The following CRPPA variants were observed in gnomAD, a reference collection of about 807,000 sequenced individuals.
CRPPA encodes D-ribitol-5-phosphate cytidylyltransferase.
CRPPA carries 43 observed loss-of-function variants against 52.0 expected under a neutral mutation model. The ratio of observed to expected loss-of-function variants is 0.83; its 90% CI spans 0.65 to 1.07. The LOEUF (loss-of-function observed/expected upper bound fraction) is 1.07, where lower values mean the gene tolerates loss of function less well. Among genes scored for constraint, CRPPA ranks in the 50% least tolerant of loss-of-function variants. The pLI is 0.00. For synonymous variants in CRPPA, 250 were observed against 203.5 expected, an observed-to-expected ratio of 1.23 and a Z score of -1.94; for missense variants, 629 against 551.7, an observed-to-expected ratio of 1.14 and a Z score of -1.40.
chr7:16,333,734 T>C (rs1785612985), intron 3 of CRPPA, among the ~76,000 whole-genome samples: 1 of 152,196 alleles, frequency 6.6e-6, no homozygotes, highest in Non-Finnish European at 1.5e-5. Context: ...GATTAGAATT[T>C]CTTTAGCTTC....
chr7:16,164,735 GT>G (rs1781013190), intron 9 of CRPPA, among the ~76,000 whole-genome samples: 1 of 152,172 alleles, frequency 6.6e-6, no homozygotes, highest in African/African-American at 2.4e-5. Context: ...ATTGTTTTCT[GT>G]TTGTTAGTTT....
intron 8 of CRPPA, among the ~76,000 whole-genome samples, chr7:16,254,592 G>A (rs1378846387): frequency 6.6e-6 from 1 of 151,848 alleles, no homozygotes; most frequent in East Asian, 1.9e-4. Flanking sequence ...CTGTAGTGGG[G>A]TGAGGGGAGT....
chr7:16,224,060 A>C (rs1036947920), intron 8 of CRPPA, among the ~76,000 whole-genome samples: 1 of 152,150 alleles, frequency 6.6e-6, no homozygotes, highest in Non-Finnish European at 1.5e-5. Flanking sequence ...GAAAGGTAGC[A>C]CATTTACTCA....
chr7:16,382,543 T>C (rs1394799175), intron 2 of CRPPA, among the ~76,000 whole-genome samples: 1 of 152,080 alleles, frequency 6.6e-6, no homozygotes, highest in East Asian at 1.9e-4. Context: ...TGGCCTGCCT[T>C]GCTAGATTGG....
chr7:16,329,765 G>C (rs1209547663), intron 3 of CRPPA, among the ~76,000 whole-genome samples: 1 of 152,106 alleles, frequency 6.6e-6, no homozygotes, highest in African/African-American at 2.4e-5. Flanking sequence ...AGTAATCTTT[G>C]ATTAATTACA....
At chr7:16,377,486 G>A (rs1232338249) in intron 2 of CRPPA, among the ~76,000 whole-genome samples, 2 of 152,162 alleles carry the variant, frequency 1.3e-5, no homozygotes, top group African/African-American at 4.8e-5. Context: ...ATACTTAAGA[G>A]AACATGAGAC....
At chr7:16,210,188 T>C (rs112809716) in intron 9 of CRPPA, among the ~76,000 whole-genome samples, 26 of 152,230 alleles carry the variant, frequency 1.7e-4, no homozygotes, top group African/African-American at 6.0e-4. Flanking sequence ...ATAATTTGTA[T>C]GCTTTTTTAT....
intron 2 of CRPPA, among the ~76,000 whole-genome samples, chr7:16,392,304 T>C (rs780624782): frequency 2.6e-5 from 4 of 152,112 alleles, no homozygotes; most frequent in Non-Finnish European, 4.4e-5. Context: ...AAAATAGAAA[T>C]GTCAGCCTTA....
intron 3 of CRPPA, among the ~76,000 whole-genome samples, chr7:16,360,048 A>C (rs2128309008): frequency 6.6e-6 from 1 of 152,274 alleles, no homozygotes; most frequent in South Asian, 2.1e-4. Flanking sequence ...TTACAACTGG[A>C]CTTCATCCAC....
At chr7:16,200,910 G>GGT (rs1473557179) in intron 9 of CRPPA, among the ~76,000 whole-genome samples, 3 of 152,104 alleles carry the variant, frequency 2.0e-5, no homozygotes, top group Non-Finnish European at 4.4e-5. Flanking sequence ...CACATACACT[G>GGT]AATTCTTCTA....
chr7:16,394,228 T>C (rs1199210121), intron 2 of CRPPA, among the ~76,000 whole-genome samples: 1 of 152,000 alleles, frequency 6.6e-6, no homozygotes, highest in Admixed American at 6.6e-5. Flanking sequence ...CAGCAAAAAA[T>C]TAGAAAACAA....
chr7:16,135,416 T>C (rs1242891156), intron 9 of CRPPA, among the ~76,000 whole-genome samples: 1 of 152,156 alleles, frequency 6.6e-6, no homozygotes, highest in African/African-American at 2.4e-5. Flanking sequence ...TGTGAAAGTT[T>C]CTTCAACTTA....
chr7:16,141,468 G>A (rs2128375901), intron 9 of CRPPA, among the ~76,000 whole-genome samples: 1 of 152,136 alleles, frequency 6.6e-6, no homozygotes, highest in East Asian at 1.9e-4. Context: ...TTGATTTAGT[G>A]TTCAACAAAA....
intron 9 of CRPPA, among the ~76,000 whole-genome samples, chr7:16,202,844 C>T (rs1432576784): frequency 6.6e-6 from 1 of 152,138 alleles, no homozygotes; most frequent in Non-Finnish European, 1.5e-5. Context: ...TAGTTCTCAG[C>T]CCAATCCCTC....
chr7:16,189,591 G>A (rs996022025), intron 9 of CRPPA, among the ~76,000 whole-genome samples: 3 of 152,142 alleles, frequency 2.0e-5, no homozygotes, highest in African/African-American at 7.2e-5. Flanking sequence ...TCATGATGTT[G>A]CCAAGTACCA....
intron 5 of CRPPA, among the ~76,000 whole-genome samples, chr7:16,296,106 T>A (rs1211074657): frequency 6.6e-6 from 1 of 152,106 alleles, no homozygotes; most frequent in African/African-American, 2.4e-5. Flanking sequence ...AAACTACCAC[T>A]TTCTATACAT....
chr7:16,239,559 C>CAAAAAAAAAAAAAAAAAAAAAAAA (rs751232682), intron 8 of CRPPA, among the ~76,000 whole-genome samples: 1 of 47,632 alleles, frequency 2.1e-5, no homozygotes, highest in Non-Finnish European at 3.9e-5. Flanking sequence ...AAGTCAATAG[C>CAAAAAAAAAAAAAAAAAAAAAAAA]AAAAAAAAAA....
intron 3 of CRPPA, among the ~76,000 whole-genome samples, chr7:16,325,414 T>G (rs1785360630): frequency 6.6e-6 from 1 of 152,168 alleles, no homozygotes; most frequent in Non-Finnish European, 1.5e-5. Context: ...GCCAATTATA[T>G]TTTTCCAATA....
At chr7:16,245,718 G>A (rs985539580) in intron 8 of CRPPA, among the ~76,000 whole-genome samples, 4 of 152,076 alleles carry the variant, frequency 2.6e-5, no homozygotes, top group African/African-American at 9.7e-5. Flanking sequence ...CAGACTACTG[G>A]AGCCAATAAA....
Sources: gnomAD v4.1 joint callset for allele counts (sites outside exome capture counted in the v4.1 genomes callset) on GRCh38, gnomAD v4.1.1 for gene constraint, MANE v1.5 for transcripts, NCBI Gene and HGNC (gene_info 2026-07-23, HGNC 2026-07-21) for gene names.